The following FBXO10 variants were observed in gnomAD, a reference collection of about 807,000 sequenced individuals.
FBXO10 encodes the protein F-box only protein 10.
FBXO10 carries 39 observed loss-of-function variants against 80.7 expected under a neutral mutation model. The ratio of observed to expected loss-of-function variants is 0.48; its 90% confidence interval spans 0.37 to 0.63. The LOEUF (loss-of-function observed/expected upper bound fraction) is 0.63. FBXO10 is among the 30% of genes least tolerant of loss of function. The pLI is 0.00. For missense variants in FBXO10, 1,025 were observed against 1,269.0 expected (o/e 0.81, Z 2.92); for synonymous variants, 449 against 489.6 (o/e 0.92, Z 1.09).
chr9:37,528,523 T>C (rs1821530854), intron 5 of FBXO10, among the ~76,000 whole-genome samples: 1 of 152,130 alleles, frequency 6.6e-6, no homozygotes, highest in Non-Finnish European at 1.5e-5. Context: ...GTCTTACCCA[T>C]ATTCCAAAGT....
intron 7 of FBXO10, chr9:37,522,571 C>G: frequency 7.8e-7 from 1 of 1,274,044 alleles, no homozygotes; most frequent in Admixed American, 3.5e-5. Flanking sequence ...CATGACACAA[C>G]TCCTGTCTTT....
chr9:37,563,795 CAGG>C lies in FBXO10; in HGVS notation c.-7+12413_-7+12415del, dbSNP rs530291354. On this transcript the variant is annotated intron_variant, in intron 1 of 10. Transcript: ENST00000432825. ...AGAGCATAAAAGTTTGGAAAATTTG[CAGG>C]AGATCATTTCGGAATTTTAAGGTTT... Among the ~76,000 whole-genome samples, 129 of 152,314 alleles carry C rather than the reference CAGG, an allele frequency of 8.5e-4. 1 individual carries two copies. Among genetic ancestry groups the C allele is most frequent in the African/African-American group, 2.9e-3 (122 of 41,566 alleles).
At chr9:37,519,908 CT>C in intron 8 of FBXO10, among the ~76,000 whole-genome samples, 1 of 152,154 alleles carries the variant, frequency 6.6e-6, no homozygotes, top group Admixed American at 6.5e-5. Context: ...ACCTCGAACT[CT>C]GAGTCCTGAG....
chr9:37,564,810 C>T (rs941638750), intron 1 of FBXO10, among the ~76,000 whole-genome samples: 1 of 152,120 alleles, frequency 6.6e-6, no homozygotes, highest in African/African-American at 2.4e-5. Flanking sequence ...AAGGGACTTG[C>T]CTTGTCTCAG....
chr9:37,571,925 A>G (rs1822770052), intron 1 of FBXO10, among the ~76,000 whole-genome samples: 2 of 151,588 alleles, frequency 1.3e-5, no homozygotes. Flanking sequence ...GTTTGAGTCC[A>G]GGAGTTTGAG....
chr9:37,562,660 C>T (rs1822509004), intron 1 of FBXO10, among the ~76,000 whole-genome samples: 2 of 152,302 alleles, frequency 1.3e-5, no homozygotes, highest in South Asian at 2.1e-4. Flanking sequence ...TAAATAATCA[C>T]CCTCATCATT....
intron 1 of FBXO10, among the ~76,000 whole-genome samples, chr9:37,563,136 G>C (rs1455037200): frequency 3.3e-5 from 5 of 152,134 alleles, no homozygotes; most frequent in Non-Finnish European, 7.3e-5. Context: ...AAGCCATCTG[G>C]CATTTCCCCT....
chr9:37,567,855 C>T (rs1292155651), intron 1 of FBXO10, among the ~76,000 whole-genome samples: 2 of 152,154 alleles, frequency 1.3e-5, no homozygotes, highest in Non-Finnish European at 2.9e-5. Context: ...CAGCACCTTC[C>T]CTCTTCTGCG....
chr9:37,517,896 C>T (rs1588821157), intron 9 of FBXO10, among the ~76,000 whole-genome samples: 2 of 152,344 alleles, frequency 1.3e-5, no homozygotes, highest in South Asian at 2.1e-4. Context: ...GACACCCCAT[C>T]CCTGGCTTCC....
At chr9:37,565,252 T>C (rs1822574430) in intron 1 of FBXO10, among the ~76,000 whole-genome samples, 1 of 152,206 alleles carries the variant, frequency 6.6e-6, no homozygotes. Context: ...CTTTTCTTTA[T>C]AAATTAGTCT....
At chr9:37,538,800 G>A (rs1056220488) in intron 2 of FBXO10, among the ~76,000 whole-genome samples, 5 of 151,256 alleles carry the variant, frequency 3.3e-5, no homozygotes, top group African/African-American at 1.2e-4. Flanking sequence ...CAGTTTCCTT[G>A]TCTGCAGCAT....
At chr9:37,545,620 C>G (rs1044692888) in intron 1 of FBXO10, among the ~76,000 whole-genome samples, 4 of 152,240 alleles carry the variant, frequency 2.6e-5, no homozygotes, top group African/African-American at 9.6e-5. Context: ...AATCATCTTT[C>G]TAGCTCCACA....
chr9:37,574,858 G>A (rs747872675), intron 1 of FBXO10, among the ~76,000 whole-genome samples: 6 of 152,210 alleles, frequency 3.9e-5, no homozygotes, highest in African/African-American at 1.4e-4. Flanking sequence ...CTTGTTCACA[G>A]CTCTATGTCC....
Position 37,513,274 on chromosome 9 carries a change from T to C in FBXO10, c.2697-553A>G, listed in dbSNP as rs144818301. Among the ~76,000 whole-genome samples the C allele has an allele frequency of 2.0e-3, 298 of 152,278 alleles. 3 individuals carry two copies. In the East Asian group the frequency reaches 0.022, roughly 11 times the overall value. ...TCAGCTTCCCAAGTAGCTGGGATTA[T>C]AGGTGTGTGCCACGGTGCCAGCTTT... On this transcript the variant is annotated intron_variant, in intron 10 of 10. Transcript: ENST00000432825.
intron 2 of FBXO10, among the ~76,000 whole-genome samples, chr9:37,538,936 G>C (rs1015961910): frequency 6.6e-6 from 1 of 152,148 alleles, no homozygotes; most frequent in Non-Finnish European, 1.5e-5. Flanking sequence ...AGTGGGGATG[G>C]GGCAGTGCCA....
intron 10 of FBXO10, among the ~76,000 whole-genome samples, chr9:37,512,986 C>T (rs933626810): frequency 1.1e-4 from 16 of 152,334 alleles, no homozygotes; most frequent in African/African-American, 2.9e-4. Flanking sequence ...TCAATTTTCC[C>T]GCTTTGAGAC....
In FBXO10 at chr9:37,546,142, TA is replaced by T. The variant is rs369669726; in HGVS notation, c.-6-4369del. On this transcript the variant is annotated intron_variant, in intron 1 of 10. Transcript: ENST00000432825. Reference sequence around the variant, plus strand: ...GCCAGAACAAGAGCAAAACTCCATCTAAAAAAAAAAAAGACTGTGATTTTTG... The same window carrying T: ...GCCAGAACAAGAGCAAAACTCCATCTAAAAAAAAAAAGACTGTGATTTTTG... Among the ~76,000 whole-genome samples, 621 of 140,326 alleles carry T rather than the reference TA, an allele frequency of 4.4e-3. 2 individuals are homozygous for T. Among genetic ancestry groups the T allele is most frequent in the African/African-American group, 8.2e-3 (315 of 38,530 alleles). The allele number at this position is 140,326 out of a possible 152,430, so 92.1% of individuals were successfully genotyped here.
At chr9:37,545,377 C>T (rs1822032659) in intron 1 of FBXO10, among the ~76,000 whole-genome samples, 1 of 152,038 alleles carries the variant, frequency 6.6e-6, no homozygotes, top group South Asian at 2.1e-4. Context: ...CGGGGTTTCA[C>T]CATGTTGGTC....
rs1821352128 is a variant in FBXO10 at position 37,521,775 on chromosome 9, A to AC, written c.1993dup (p.Val665GlyfsTer13). 6.2e-7 allele frequency: 1 copy of AC among 1,611,030 alleles called. No individual in the cohort carries two copies. Among genetic ancestry groups the AC allele is most frequent in the East Asian group, 2.2e-5 (1 of 44,864 alleles). ...CACTCCATACAGGCCATTGTAGCTG[A>AC]CGTGGTTGCTGGTGACATGGGGGAG... On this transcript the variant is annotated frameshift_variant, in exon 8 of 11. Transcript: ENST00000432825. LOFTEE classifies it high-confidence loss of function.
Sources: allele counts gnomAD v4.1 joint callset (sites outside exome capture counted in the v4.1 genomes callset), GRCh38; gene constraint gnomAD v4.1.1; transcripts MANE v1.5; gene names NCBI Gene and HGNC (gene_info 2026-07-23, HGNC 2026-07-21).